Variants in UBN1 observed in about 807,000 individuals in gnomAD.
UBN1 encodes ubinuclein 1.
In UBN1, 17 loss-of-function variants were observed where a neutral mutation model predicts 108.5. The observed-to-expected ratio is 0.16, with a 90% confidence interval of 0.11 to 0.24. The LOEUF is 0.24. Among genes scored for constraint, UBN1 ranks in the 10% least tolerant of loss-of-function variants. The probability of loss-of-function intolerance (pLI) is 1.00; values close to 1 mark genes in which losing one functional copy is unlikely to be tolerated. For missense variants in UBN1, 1,595 were observed against 1,394.4 expected (o/e 1.14, Z -2.29); for synonymous variants, 726 against 564.2 (o/e 1.29, Z -4.07).
At chr16:4,869,848 A>G (rs2087529424) in intron 8 of UBN1, among the ~76,000 whole-genome samples, 1 of 152,140 alleles carries the variant, frequency 6.6e-6, no homozygotes, top group South Asian at 2.1e-4. Context: ...AAAAAAAAGA[A>G]ATGCTGCCGG....
Position 4,877,850 on chromosome 16 carries a change from G to A in UBN1, c.3355+376G>A. On this transcript the variant is annotated intron_variant, in intron 17 of 17. Transcript: ENST00000262376. The surrounding 1 kb of genome is among the most constrained non-coding windows in gnomAD (Gnocchi z 4.3). ...GGTGCATCTTCTCCAAGGGCTAATT[G>A]GGTACAACAAGGTCTTGGAATGCAA... The A allele has an allele frequency of 1.0e-6, 1 of 1,002,978 alleles. No individual in the cohort carries two copies. Among genetic ancestry groups the A allele is most frequent in the African/African-American group, 1.7e-5 (1 of 57,892 alleles). The allele number at this position is 1,002,978 out of a possible 1,614,324, so 62.1% of individuals were successfully genotyped here. A position where few individuals can be genotyped will look rare whatever the true frequency, so the allele number is the denominator to read the frequency against.
chr16:4,860,515 A>G (rs1246219636), intron 6 of UBN1, 149 bp from the exon 7 acceptor site: 2 of 825,180 alleles, frequency 2.4e-6, no homozygotes, highest in African/African-American at 1.7e-5. Flanking sequence ...AACGAGCTCC[A>G]TATGCCAAGA....
rs35865064 is a variant in UBN1 at position 4,871,576 on chromosome 16, CTTTTTTTT to C, written c.1706+296_1706+303del. Among the ~76,000 whole-genome samples the C allele has an allele frequency of 1.8e-3, 157 of 88,416 alleles. 2 individuals carry two copies. Among genetic ancestry groups the C allele is most frequent in the African/African-American group, 7.3e-3 (146 of 20,050 alleles). The allele number at this position is 88,416 out of a possible 152,430, so 58.0% of individuals were successfully genotyped here. A position where few individuals can be genotyped will look rare whatever the true frequency, so the allele number is the denominator to read the frequency against. Reference sequence around the variant, plus strand: ...GCCTCCCATCTCAATATGCACTTTCCTTTTTTTTTTTTTTTTTTTTTTTTTTTTGAGAT... The same window carrying C: ...GCCTCCCATCTCAATATGCACTTTCCTTTTTTTTTTTTTTTTTTTTGAGAT... On this transcript the variant is annotated intron_variant, in intron 12 of 17. Coordinates refer to ENST00000262376, the MANE Select transcript of UBN1 (RefSeq NM_001079514.3).
chr16:4,864,281 A>T (rs1426448164), intron 7 of UBN1, among the ~76,000 whole-genome samples: 1 of 151,828 alleles, frequency 6.6e-6, no homozygotes, highest in Non-Finnish European at 1.5e-5. Flanking sequence ...CTGCCACAGT[A>T]CATAGCAGAT....
At position 4,877,534 on chromosome 16, in the gene UBN1, A is replaced by G. The variant is rs1178238683; in HGVS notation, c.3355+60A>G. On this transcript the variant is annotated intron_variant, in intron 17 of 17. Transcript: ENST00000262376. This position sits in a 1 kb window ranked among gnomAD's most constrained non-coding sequence, Gnocchi z 4.3. Reference sequence around the variant, plus strand: ...GTGTGCCTTTGCCCTCTCCACCCCTAGGTGCTTTGCCGCTGCCAAGGGTCT... The same window carrying G: ...GTGTGCCTTTGCCCTCTCCACCCCTGGGTGCTTTGCCGCTGCCAAGGGTCT... The G allele has an allele frequency of 4.0e-6, 6 of 1,514,050 alleles. No individual in the cohort carries two copies. The highest frequency in any genetic ancestry group is 2.4e-5 in the East Asian group (1 of 41,332). 93.8% of individuals were successfully genotyped at this position (1,514,050 alleles called of 1,614,324 possible). A position where few individuals can be genotyped will look rare whatever the true frequency, so the allele number is the denominator to read the frequency against.
In UBN1 at chr16:4,882,375, CTT is replaced by C. The variant is rs904357005; in HGVS notation, c.*2246_*2247del. ...GGTTTCCAAAACATTTTTTCTCACTCTTTTCTTTCTACCATGTGGAAGTAAGT... is the reference window on the plus strand; with the variant it reads ...GGTTTCCAAAACATTTTTTCTCACTCTTCTTTCTACCATGTGGAAGTAAGT... On this transcript the variant is annotated 3_prime_UTR_variant, in exon 18 of 18. Transcript: ENST00000262376. 4 of 146,620 alleles carry C rather than the reference CTT, an allele frequency of 2.7e-5. No individual in the cohort carries two copies. The highest frequency in any genetic ancestry group is 4.4e-5 in the Non-Finnish European group (3 of 67,506). 9.1% of individuals were successfully genotyped at this position (146,620 alleles called of 1,614,324 possible).
chr16:4,878,815 A>G (rs2087993325), intron 17 of UBN1, among the ~76,000 whole-genome samples: 1 of 152,240 alleles, frequency 6.6e-6, no homozygotes, highest in Non-Finnish European at 1.5e-5. Flanking sequence ...GTTCAAGACC[A>G]GCCTGGGCAA....
intron 1 of UBN1, among the ~76,000 whole-genome samples, chr16:4,851,565 C>T (rs1475360761): frequency 6.6e-6 from 1 of 152,054 alleles, no homozygotes; most frequent in Non-Finnish European, 1.5e-5. Context: ...GTTTTAACTG[C>T]ATACAAAGTT....
At chr16:4,851,909 C>G (rs914514787) in intron 1 of UBN1, among the ~76,000 whole-genome samples, 1 of 152,050 alleles carries the variant, frequency 6.6e-6, no homozygotes, top group African/African-American at 2.4e-5. Context: ...AGAAGAAGTA[C>G]TTATAAGAGA....
Position 4,876,926 on chromosome 16 carries a change from A to G in UBN1, c.3080A>G (p.Tyr1027Cys). 1.9e-6 allele frequency: 3 copies of G among 1,614,094 alleles called. No homozygotes were observed. The highest frequency in any genetic ancestry group is 1.7e-6 in the Non-Finnish European group (2 of 1,179,980). ...LAGSSLMASP[Y>C]KSSSPKLSGA... ...GGCTCCTCTTTGATGGCTTCACCCTACAAATCCAGCAGCCCAAAGCTGTCT... is the reference window on the plus strand; with the variant it reads ...GGCTCCTCTTTGATGGCTTCACCCTGCAAATCCAGCAGCCCAAAGCTGTCT... Residue 1027 changes from tyrosine (Y) to cysteine (C), a missense_variant, in exon 16 of 18, where the codon TAC (tyrosine) becomes TGC (cysteine). Coordinates refer to ENST00000262376, the MANE Select transcript of UBN1 (RefSeq NM_001079514.3).
In UBN1 at chr16:4,877,767, T is replaced by A; in HGVS notation, c.3355+293T>A. On this transcript the variant is annotated intron_variant, in intron 17 of 17. Coordinates refer to ENST00000262376, the MANE Select transcript of UBN1 (RefSeq NM_001079514.3). This position sits in a 1 kb window ranked among gnomAD's most constrained non-coding sequence, Gnocchi z 4.3. The stretch of plus-strand genomic sequence containing the variant: ...CTTTTGTGTGCGGTGGAGGAGTTCC[T>A]AACCCTCGGCTTGTTTTTTTCTCTT... 6 of 1,093,562 alleles carry A rather than the reference T, an allele frequency of 5.5e-6. No homozygotes were observed. The highest frequency in any genetic ancestry group is 6.6e-6 in the Non-Finnish European group (6 of 902,414). 67.7% of individuals were successfully genotyped at this position (1,093,562 alleles called of 1,614,324 possible).
At position 4,875,093 on chromosome 16, in the gene UBN1, G is replaced by T; in HGVS notation, c.2683G>T (p.Ala895Ser). The change falls in exon 15 of 18, where the codon GCA (alanine) becomes TCA (serine). Residue 895 changes from alanine to serine, a missense_variant. This residue lies in a region of UBN1 where 1,398 missense variants were observed against 1,194.7 expected (regional missense o/e 1.17). Coordinates refer to ENST00000262376, the MANE Select transcript of UBN1 (RefSeq NM_001079514.3). ...AGCAAAGCCACATTCAGTCAGCTCT[G>T]CAGGCTCATCTTACAAGAATAATCC... Reference protein sequence around the residue: ...HPAKPHSVSSAGSSYKNNPFA... With the variant: ...HPAKPHSVSSSGSSYKNNPFA... The T allele has an allele frequency of 6.2e-7, 1 of 1,614,100 alleles. No homozygotes were observed. The highest frequency in any genetic ancestry group is 1.3e-5 in the African/African-American group (1 of 75,070).
chr16:4,880,304 C>A lies in UBN1; in HGVS notation c.*172C>A. On this transcript the variant is annotated 3_prime_UTR_variant, in exon 18 of 18. Transcript: ENST00000262376. ...CTGATGTGCCTCCCATGGAGGGAGCCGGGCCCTTGCTGCTCAGGAGGTGCA... is the reference window on the plus strand; with the variant it reads ...CTGATGTGCCTCCCATGGAGGGAGCAGGGCCCTTGCTGCTCAGGAGGTGCA... 1.4e-6 allele frequency: 1 copy of A among 694,976 alleles called. No homozygotes were observed. The highest frequency in any genetic ancestry group is 2.5e-6 in the Non-Finnish European group (1 of 406,446). The allele number at this position is 694,976 out of a possible 1,614,324, so 43.1% of individuals were successfully genotyped here. A position where few individuals can be genotyped will look rare whatever the true frequency, so the allele number is the denominator to read the frequency against.
At chr16:4,853,582 G>A (rs11862351) in intron 2 of UBN1, among the ~76,000 whole-genome samples, 32,801 of 145,938 alleles carry the variant, frequency 0.22, 3,808 homozygotes, top group Admixed American at 0.26. Flanking sequence ...TTTCGAGACC[G>A]AGTCTCGCCC....
At chr16:4,869,014 C>T in intron 8 of UBN1, 111 bp downstream of exon 8, 3 of 1,000,134 alleles carry the variant, frequency 3.0e-6, no homozygotes. Flanking sequence ...AAGGTGACCA[C>T]CAAGGAGATA....
intron 2 of UBN1, among the ~76,000 whole-genome samples, chr16:4,855,407 G>C (rs1008781908): frequency 6.6e-6 from 1 of 152,148 alleles, no homozygotes; most frequent in East Asian, 1.9e-4. Flanking sequence ...TTGACCACAG[G>C]AGTTCAAGAC....
At chr16:4,879,077 A>G (rs2088000550) in intron 17 of UBN1, among the ~76,000 whole-genome samples, 1 of 152,250 alleles carries the variant, frequency 6.6e-6, no homozygotes, top group Admixed American at 6.5e-5. Flanking sequence ...AATAGGAAGA[A>G]TAAGTGCTAG....
rs139499696 is a variant in UBN1, at chr16:4,880,088, T to C, written c.3361T>C (p.Ser1121Pro). 7.6e-4 allele frequency: 1,227 copies of C among 1,614,058 alleles called. 1 individual carries two copies. Among genetic ancestry groups the C allele is most frequent in the Non-Finnish European group, 9.5e-4 (1,119 of 1,180,006 alleles). Residue 1121 changes from serine to proline, a missense_variant, in exon 18 of 18, where the codon TCT (serine) becomes CCT (proline). By Grantham distance (74) the Ser-to-Pro change is moderately conservative (BLOSUM62 -1). Transcript: ENST00000262376. Reference sequence around the variant, plus strand: ...TTTTTCTTACTCTTTTCCAGGTGCTTCTCAGCTTCACGGGAAAGGGCCTGC... The same window carrying C: ...TTTTTCTTACTCTTTTCCAGGTGCTCCTCAGCTTCACGGGAAAGGGCCTGC... The part of the protein sequence containing the change: ...THIPQSLPGA[S>P]QLHGKGPAVP...
intron 7 of UBN1, 141 bp downstream of exon 7, chr16:4,861,243 C>T: frequency 1.1e-6 from 1 of 937,170 alleles, no homozygotes; most frequent in Non-Finnish European, 1.6e-6. Flanking sequence ...ACCCTATTCT[C>T]ATCCTGAGGG....
Sources: allele counts gnomAD v4.1 joint callset (sites outside exome capture counted in the v4.1 genomes callset), GRCh38; gene constraint gnomAD v4.1.1; regional missense constraint gnomAD v4.1.1; non-coding constraint Gnocchi (gnomAD v3.1); transcripts MANE v1.5; gene names NCBI Gene and HGNC (gene_info 2026-07-23, HGNC 2026-07-21).